CDK8: variants seen among roughly 807,000 people sequenced by gnomAD.
CDK8 encodes the protein cyclin-dependent kinase 8.
In CDK8, 29 loss-of-function variants were observed where a neutral mutation model predicts 71.5. The observed-to-expected ratio is 0.41, with a 90% CI of 0.30 to 0.55. The LOEUF is 0.55. Among genes scored for constraint, CDK8 ranks in the 20% least tolerant of loss-of-function variants. The probability of loss-of-function intolerance (pLI) is 0.37; values close to 1 mark genes in which losing one functional copy is unlikely to be tolerated. For missense variants in CDK8, 288 were observed against 572.6 expected, an observed-to-expected ratio of 0.50 and a Z score of 5.07; for synonymous variants, 161 against 192.1, an observed-to-expected ratio of 0.84 and a Z score of 1.34.
chr13:26,288,150 G>A (rs2137896358), intron 1 of CDK8, among the ~76,000 whole-genome samples: 1 of 152,154 alleles, frequency 6.6e-6, no homozygotes, highest in South Asian at 2.1e-4. Flanking sequence ...TTTTAGTAGA[G>A]ACAGGGTTTC....
intron 2 of CDK8, among the ~76,000 whole-genome samples, chr13:26,340,993 G>A (rs984738127): frequency 3.9e-5 from 6 of 152,184 alleles, no homozygotes; most frequent in Admixed American, 3.3e-4. Flanking sequence ...AATTCCTAGT[G>A]TAGACATTTT....
chr13:26,396,339 A>G lies in CDK8; in HGVS notation c.845A>G (p.Asp282Gly). ...CCTGAACATTCAACATTAATGAAAG[A>G]TTTCAGAAGAAATACGTAAGTTGGA... ...KMPEHSTLMK[D>G]FRRNTYTNCS... is the part of the protein sequence containing the mutation. Residue 282 changes from aspartate (D) to glycine (G), a missense_variant, in exon 8 of 13, where the codon GAT becomes GGT. By Grantham distance (94) the Asp-to-Gly change is moderately conservative (BLOSUM62 -1). Transcript: ENST00000381527. The G allele has an allele frequency of 2.1e-6, 3 of 1,458,314 alleles. No individual in the cohort carries two copies. Among genetic ancestry groups the G allele is most frequent in the Non-Finnish European group, 2.8e-6 (3 of 1,066,016 alleles). The allele number at this position is 1,458,314 out of a possible 1,614,324, so 90.3% of individuals were successfully genotyped here.
intron 1 of CDK8, among the ~76,000 whole-genome samples, chr13:26,261,428 GA>G (rs1053245332): frequency 3.3e-5 from 5 of 152,048 alleles, no homozygotes; most frequent in Non-Finnish European, 1.5e-5. Context: ...ACATTTTCAT[GA>G]CCCCAAAAAG....
At chr13:26,332,242 T>C (rs1872788544) in intron 1 of CDK8, among the ~76,000 whole-genome samples, 1 of 152,100 alleles carries the variant, frequency 6.6e-6, no homozygotes, top group South Asian at 2.1e-4. Context: ...ACAAGATCAT[T>C]TGGGAGGCTG....
chr13:26,261,359 A>G (rs1236453107), intron 1 of CDK8, among the ~76,000 whole-genome samples: 2 of 152,216 alleles, frequency 1.3e-5, no homozygotes, highest in African/African-American at 4.8e-5. Flanking sequence ...TGTGATCAGT[A>G]TAGTGTTTTT....
intron 1 of CDK8, among the ~76,000 whole-genome samples, chr13:26,315,630 C>G (rs994891044): frequency 3.9e-5 from 6 of 152,044 alleles, no homozygotes; most frequent in African/African-American, 1.2e-4. Context: ...CTCTGTGGAA[C>G]CAATTTAGCA....
intron 1 of CDK8, among the ~76,000 whole-genome samples, chr13:26,302,052 C>T (rs1219611769): frequency 1.3e-5 from 2 of 152,166 alleles, no homozygotes; most frequent in African/African-American, 4.8e-5. Context: ...TGAATGCTGT[C>T]TGCAGGTGTT....
chr13:26,336,715 G>A (rs1383543095), intron 1 of CDK8, among the ~76,000 whole-genome samples: 5 of 151,902 alleles, frequency 3.3e-5, no homozygotes, highest in African/African-American at 7.3e-5. Context: ...CACCACACCC[G>A]GCTAATTGTT....
chr13:26,285,842 C>T (rs553114342), intron 1 of CDK8, among the ~76,000 whole-genome samples: 3 of 152,256 alleles, frequency 2.0e-5, no homozygotes, highest in Admixed American at 2.0e-4. Flanking sequence ...TAAACACCAA[C>T]AATAACAAAG....
intron 2 of CDK8, among the ~76,000 whole-genome samples, chr13:26,338,964 A>T (rs1873107158): frequency 3.9e-5 from 2 of 50,700 alleles, no homozygotes; most frequent in Non-Finnish European, 7.7e-5. Context: ...TTAGTCTTTA[A>T]CAAACTGTTT....
At chr13:26,384,520 A>G (rs1875382106) in intron 5 of CDK8, among the ~76,000 whole-genome samples, 1 of 152,218 alleles carries the variant, frequency 6.6e-6, no homozygotes, top group African/African-American at 2.4e-5. Flanking sequence ...ATGCCCGAAT[A>G]ACTACACTAC....
At chr13:26,376,252 C>T (rs1416615766) in intron 4 of CDK8, among the ~76,000 whole-genome samples, 1 of 151,404 alleles carries the variant, frequency 6.6e-6, no homozygotes, top group Non-Finnish European at 1.5e-5. Context: ...AAGAAAGGAA[C>T]TATTTTGAAA....
rs115940576 is a variant in CDK8, at chr13:26,329,025, T to G, written c.129-8542T>G. On this transcript the variant is annotated intron_variant, in intron 1 of 12. Transcript: ENST00000381527. ...GCTTTCTTCACTGTCAACTTCTGAT[T>G]TTGTTTTCTTGGATCCTCTTAATCA... 6.5e-3 allele frequency among the ~76,000 whole-genome samples: 997 copies of G among 152,344 alleles called. 10 individuals are homozygous for G. Among genetic ancestry groups the G allele is most frequent in the African/African-American group, 0.021 (863 of 41,578 alleles).
rs141963320 is a variant in CDK8 at position 26,326,385 on chromosome 13, C to T, written c.129-11182C>T. ...ATTATGGGTAAGGTCTTATAGGTATCGTTGTTGGAGTTAACAAGTGCCTGT... is the reference window on the plus strand; with the variant it reads ...ATTATGGGTAAGGTCTTATAGGTATTGTTGTTGGAGTTAACAAGTGCCTGT... On this transcript the variant is annotated intron_variant, in intron 1 of 12. Transcript: ENST00000381527. Among the ~76,000 whole-genome samples the T allele has an allele frequency of 2.4e-3, 362 of 152,246 alleles. 3 individuals are homozygous for T. Among genetic ancestry groups the T allele is most frequent in the Non-Finnish European group, 4.2e-3 (283 of 68,012 alleles).
chr13:26,326,380 G>C (rs1875018537), intron 1 of CDK8, among the ~76,000 whole-genome samples: 1 of 152,154 alleles, frequency 6.6e-6, no homozygotes, highest in Non-Finnish European at 1.5e-5. Flanking sequence ...AGGTCTTATA[G>C]GTATCGTTGT....
intron 1 of CDK8, among the ~76,000 whole-genome samples, chr13:26,264,562 A>G (rs1259766574): frequency 6.6e-6 from 1 of 152,234 alleles, no homozygotes; most frequent in Non-Finnish European, 1.5e-5. Context: ...AAATTTTCTT[A>G]GATGTATATA....
chr13:26,277,006 C>T (rs1872583411), intron 1 of CDK8, among the ~76,000 whole-genome samples: 1 of 152,176 alleles, frequency 6.6e-6, no homozygotes, highest in South Asian at 2.1e-4. Context: ...GAACTGTTCA[C>T]AACTGCCAGT....
At chr13:26,299,107 C>T (rs1873696845) in intron 1 of CDK8, among the ~76,000 whole-genome samples, 1 of 152,216 alleles carries the variant, frequency 6.6e-6, no homozygotes, top group Non-Finnish European at 1.5e-5. Flanking sequence ...AATGATCAGT[C>T]AGGGCATATT....
intron 1 of CDK8, among the ~76,000 whole-genome samples, chr13:26,281,129 G>A (rs540268249): frequency 6.6e-6 from 1 of 152,346 alleles, no homozygotes; most frequent in East Asian, 1.9e-4. Flanking sequence ...TGGGCAACCA[G>A]TGGTCCTGAG....
Sources: allele counts gnomAD v4.1 joint callset (sites outside exome capture counted in the v4.1 genomes callset), GRCh38; gene constraint gnomAD v4.1.1; transcripts MANE v1.5; gene names NCBI Gene and HGNC (gene_info 2026-07-23, HGNC 2026-07-21).